The following RBM19 variants were observed in gnomAD, a reference collection of about 807,000 sequenced individuals.
RBM19 encodes RNA binding motif protein 19, also known as probable RNA-binding protein 19.
RBM19 carries 94 observed loss-of-function variants against 116.8 expected under a neutral mutation model. The ratio of observed to expected loss-of-function variants is 0.80; its 90% CI spans 0.68 to 0.95. RBM19 has a LOEUF of 0.95. RBM19 is among the 40% of genes least tolerant of loss of function. The pLI, the probability that RBM19 is intolerant of heterozygous loss-of-function variation, is 0.00. For missense variants in RBM19, 1,161 were observed against 1,220.7 expected, an observed-to-expected ratio of 0.95 and a Z score of 0.73; for synonymous variants, 475 against 494.1, an observed-to-expected ratio of 0.96 and a Z score of 0.51.
intron 16 of RBM19, among the ~76,000 whole-genome samples, chr12:113,927,605 CA>C (rs1270842296): frequency 1.9e-3 from 173 of 91,116 alleles, no homozygotes; most frequent in African/African-American, 4.6e-3. Flanking sequence ...AAAAAAAAAA[CA>C]AAAAAAAAAA....
chr12:113,919,309 C>T (rs1046661812), intron 19 of RBM19, among the ~76,000 whole-genome samples: 23 of 152,236 alleles, frequency 1.5e-4, no homozygotes, highest in African/African-American at 4.6e-4. Context: ...TGGTGGCTCA[C>T]GCCTGTAATC....
At chr12:113,923,965 G>A (rs1868824356) in intron 18 of RBM19, among the ~76,000 whole-genome samples, 1 of 152,248 alleles carries the variant, frequency 6.6e-6, no homozygotes, top group African/African-American at 2.4e-5. Flanking sequence ...TACTTTGCAT[G>A]CAGTAGGTGC....
intron 16 of RBM19, among the ~76,000 whole-genome samples, chr12:113,930,291 G>A (rs10774726): frequency 0.25 from 37,893 of 152,186 alleles, 5,341 homozygotes; most frequent in Middle Eastern, 0.41. Context: ...GTCTCACAAG[G>A]GTAATAACCC....
rs893536943 is a variant in RBM19 at position 113,952,519 on chromosome 12, A to C, written c.993T>G (p.Asn331Lys). The change falls in exon 8 of 24, where the codon AAT (asparagine) becomes AAG (lysine). Residue 331 changes from asparagine (N) to lysine (K), a missense_variant. By Grantham distance (94) the Asn-to-Lys change is moderately conservative (BLOSUM62 0). Transcript: ENST00000261741. ...AAACATCCTGGATCTTACCTGTTTT[A>C]TTCCCATGAGCGTTTCTCACAATTC... is the stretch of plus-strand genomic sequence containing the variant. Reference protein sequence around the residue: ...AIRIVRNAHGNKTGYIFVDFS... With the variant: ...AIRIVRNAHGKKTGYIFVDFS... 10 of 1,613,218 alleles carry C rather than the reference A, an allele frequency of 6.2e-6. No individual in the cohort carries two copies. Among genetic ancestry groups the C allele is most frequent in the Non-Finnish European group, 8.5e-6 (10 of 1,179,244 alleles).
At chr12:113,941,384 C>G (rs1394685314) in intron 14 of RBM19, among the ~76,000 whole-genome samples, 1 of 152,166 alleles carries the variant, frequency 6.6e-6, no homozygotes, top group Non-Finnish European at 1.5e-5. Context: ...GTGACTTCAC[C>G]CCTCTGTGAC....
chr12:113,882,181 T>G (rs1000262498), intron 21 of RBM19, among the ~76,000 whole-genome samples: 2 of 152,146 alleles, frequency 1.3e-5, no homozygotes, highest in Non-Finnish European at 2.9e-5. Flanking sequence ...GAGAGATAGG[T>G]GCTGGGACCT....
At chr12:113,944,352 C>G (rs1184465637) in intron 13 of RBM19, among the ~76,000 whole-genome samples, 1 of 151,834 alleles carries the variant, frequency 6.6e-6, no homozygotes, top group Admixed American at 6.6e-5. Flanking sequence ...CCTGCCTCAG[C>G]CTTCCAAAGA....
chr12:113,856,904 G>A (rs1877955551), intron 22 of RBM19, among the ~76,000 whole-genome samples: 2 of 152,198 alleles, frequency 1.3e-5, no homozygotes, highest in Non-Finnish European at 2.9e-5. Context: ...AGGAAACTGA[G>A]GCACACAGAA....
At position 113,906,397 on chromosome 12, in the gene RBM19, C is replaced by G. The variant is rs117690266; in HGVS notation, c.2558+8572G>C. ...GTTCCAGTTCCATTTACAGAAAGTA[C>G]AAAAACAGGCAACACTAATATATGT... On this transcript the variant is annotated intron_variant, in intron 21 of 23. Transcript: ENST00000261741. 1.0e-3 allele frequency among the ~76,000 whole-genome samples: 156 copies of G among 152,166 alleles called. 1 individual carries two copies. The East Asian group carries it at 0.028, about 28-fold the overall frequency.
chr12:113,818,338 T>C (rs1000567086), downstream of RBM19, among the ~76,000 whole-genome samples: 14 of 152,134 alleles, frequency 9.2e-5, no homozygotes, highest in African/African-American at 3.1e-4. Flanking sequence ...CATTTGGGCT[T>C]GAACTTTGGT....
At chr12:113,872,368 G>GAAC in intron 21 of RBM19, among the ~76,000 whole-genome samples, 1 of 146,426 alleles carries the variant, frequency 6.8e-6, no homozygotes, top group East Asian at 2.2e-4. Flanking sequence ...TCTCTGCCCG[G>GAAC]CAGCCACCCC....
intron 21 of RBM19, among the ~76,000 whole-genome samples, chr12:113,913,279 C>T (rs1354132183): frequency 6.6e-6 from 1 of 152,142 alleles, no homozygotes; most frequent in South Asian, 2.1e-4. Context: ...TTTTAAAAAG[C>T]AGAGCATGTT....
intron 21 of RBM19, among the ~76,000 whole-genome samples, chr12:113,872,204 C>T (rs909923532): frequency 6.8e-6 from 1 of 148,108 alleles, no homozygotes; most frequent in Non-Finnish European, 1.5e-5. Context: ...AGGAGCGCCT[C>T]TGCCCGGCCG....
intron 18 of RBM19, among the ~76,000 whole-genome samples, chr12:113,921,149 T>A (rs1868526171): frequency 6.6e-6 from 1 of 152,198 alleles, no homozygotes; most frequent in Admixed American, 6.5e-5. Flanking sequence ...GTTTCCTGGG[T>A]TTCAGATATA....
intron 23 of RBM19, among the ~76,000 whole-genome samples, chr12:113,835,385 C>G (rs533690231): frequency 6.6e-6 from 1 of 152,136 alleles, no homozygotes; most frequent in African/African-American, 2.4e-5. Context: ...AAGTGTCACA[C>G]GGAGAAGGAT....
intron 16 of RBM19, among the ~76,000 whole-genome samples, chr12:113,935,113 CAG>C (rs1189392484): frequency 4.6e-5 from 7 of 152,122 alleles, no homozygotes; most frequent in African/African-American, 1.7e-4. Flanking sequence ...AAGAAGACAG[CAG>C]AGAGGGATAA....
At chr12:113,924,816 A>T in intron 17 of RBM19, 59 bp from the exon 18 acceptor site, 2 of 1,419,548 alleles carry the variant, frequency 1.4e-6, no homozygotes, top group Non-Finnish European at 1.0e-6. Context: ...AGGCAAGGGC[A>T]CCTGTCAAAC....
chr12:113,916,685 A>T (rs1447630677), intron 20 of RBM19, among the ~76,000 whole-genome samples: 1 of 152,230 alleles, frequency 6.6e-6, no homozygotes, highest in Non-Finnish European at 1.5e-5. Flanking sequence ...GGGACACTCA[A>T]GCGGTCCCAG....
intron 14 of RBM19, 69 bp downstream of exon 14, chr12:113,942,255 C>T: frequency 7.6e-7 from 1 of 1,321,592 alleles, no homozygotes; most frequent in Non-Finnish European, 1.1e-6. Flanking sequence ...CCATCTGCAT[C>T]TCCCCTGGAA....
Sources: allele counts gnomAD v4.1 joint callset (sites outside exome capture counted in the v4.1 genomes callset), GRCh38; gene constraint gnomAD v4.1.1; transcripts MANE v1.5; gene names NCBI Gene and HGNC (gene_info 2026-07-23, HGNC 2026-07-21).